Variants in EMB observed in about 807,000 individuals in gnomAD.
EMB encodes embigin, also known as embigin homolog.
Under a neutral mutation model 41.4 loss-of-function variants are expected in EMB, and 31 were observed. That is an observed-to-expected ratio of 0.75 (90% CI 0.56 to 1.01). EMB has a LOEUF of 1.01. Among genes scored for constraint, EMB ranks in the 50% least tolerant of loss-of-function variants. The pLI is 0.00. For synonymous variants in EMB, 137 were observed against 140.4 expected (o/e 0.98, Z 0.17); for missense variants, 379 against 388.3 (o/e 0.98, Z 0.20).
chr5:50,418,595 A>G (rs2111817906), intron 2 of EMB, among the ~76,000 whole-genome samples: 1 of 152,296 alleles, frequency 6.6e-6, no homozygotes, highest in Non-Finnish European at 1.5e-5. Context: ...TTTAACACTT[A>G]TTTACCGAAC....
chr5:50,430,258 C>T (rs1303524760), intron 1 of EMB, among the ~76,000 whole-genome samples: 2 of 152,124 alleles, frequency 1.3e-5, no homozygotes, highest in Non-Finnish European at 1.5e-5. Context: ...GCCTGCAAAA[C>T]GTAAGCTTTG....
chr5:50,409,359 T>C (rs1277792633), intron 4 of EMB, among the ~76,000 whole-genome samples: 1 of 152,080 alleles, frequency 6.6e-6, no homozygotes, highest in African/African-American at 2.4e-5. Context: ...ATGACTAGTA[T>C]ATATTTCCAG....
intron 2 of EMB, among the ~76,000 whole-genome samples, chr5:50,412,259 C>CAG (rs778110747): frequency 2.2e-5 from 1 of 45,858 alleles, no homozygotes; most frequent in African/African-American, 1.9e-4. Context: ...CACACACAGA[C>CAG]ACACACACAC....
Position 50,398,083 on chromosome 5 carries a change from A to T in EMB, c.*1190T>A, listed in dbSNP as rs1745100468. ...CAAGAATCTTGGGTTCCACACCACC[A>T]CTCTTTGCTTCTGTTCTTAAAGTTG... On this transcript the variant is annotated 3_prime_UTR_variant, in exon 9 of 9. Transcript: ENST00000303221. The T allele has an allele frequency of 6.7e-6, 1 of 149,728 alleles. No homozygotes were observed. The highest frequency in any genetic ancestry group is 1.5e-5 in the Non-Finnish European group (1 of 67,470). 9.3% of individuals were successfully genotyped at this position (149,728 alleles called of 1,614,324 possible).
At chr5:50,429,926 C>T (rs1332923723) in intron 1 of EMB, among the ~76,000 whole-genome samples, 1 of 151,306 alleles carries the variant, frequency 6.6e-6, no homozygotes, top group Admixed American at 6.6e-5. Flanking sequence ...CTTTTCACCC[C>T]TTTTCTCTCT....
chr5:50,430,118 C>T (rs1745692793), intron 1 of EMB, among the ~76,000 whole-genome samples: 1 of 152,042 alleles, frequency 6.6e-6, no homozygotes, highest in African/African-American at 2.4e-5. Flanking sequence ...GGCTAGCATA[C>T]TTAGAGGTTA....
At chr5:50,427,551 C>T (rs1745640172) in intron 2 of EMB, among the ~76,000 whole-genome samples, 1 of 151,648 alleles carries the variant, frequency 6.6e-6, no homozygotes, top group East Asian at 1.9e-4. Flanking sequence ...CTCTGTCCCC[C>T]AGGCTGGAGT....
rs1203276087 is a variant in EMB at position 50,424,417 on chromosome 5, A to T, written c.196+3727T>A. ...TTCTCTGATATGTGCTTTATTGAAGATGGGATCTTGACTCCATTCTTAGAG... is the reference window on the plus strand; with the variant it reads ...TTCTCTGATATGTGCTTTATTGAAGTTGGGATCTTGACTCCATTCTTAGAG... On this transcript the variant is annotated intron_variant, in intron 2 of 8. Transcript: ENST00000303221. Among the ~76,000 whole-genome samples the T allele has an allele frequency of 2.0e-5, 3 of 152,282 alleles. No homozygotes were observed. In the East Asian group the frequency reaches 5.8e-4, roughly 29 times the overall value.
In EMB at chr5:50,428,207, G is replaced by A; in HGVS notation, c.133C>T (p.Pro45Ser). The change falls in exon 2 of 9, where the codon CCT becomes TCT. Residue 45 changes from proline (P) to serine (S), a missense_variant. Coordinates refer to ENST00000303221, the MANE Select transcript of EMB (RefSeq NM_198449.3). ...TTTGCCATTATTTCTTCTCTGAGAG[G>A]TGGACTTGTAAAAGGCGAATCTATA... ...SAPDSPFTSP[P>S]LREEIMANNF... 1 of 1,611,628 alleles carries A rather than the reference G, an allele frequency of 6.2e-7. No homozygotes were observed. Among genetic ancestry groups the A allele is most frequent in the Non-Finnish European group, 8.5e-7 (1 of 1,177,964 alleles).
At chr5:50,428,446 C>T (rs1006066287) in intron 1 of EMB, 1 of 1,183,032 alleles carries the variant, frequency 8.5e-7, no homozygotes, top group African/African-American at 1.6e-5. Context: ...CCTAAAAATC[C>T]CTACTGACTT....
In EMB at chr5:50,441,104, C is replaced by A. The variant is rs749459087; in HGVS notation, c.48G>T (p.Arg16=). ...GLLEARARTP[R]LLLLQCLLAA... ...CGAGAAGGCACTGGAGGAGGAGCAG[C>A]CGGGGCGTACGCGCCCTGGCCTCCA... The change falls in exon 1 of 9, where the codon CGG becomes CGT. Residue 16 remains arginine (R), a synonymous_variant. Transcript: ENST00000303221. 32 of 1,518,042 alleles carry A rather than the reference C, an allele frequency of 2.1e-5. No homozygotes were observed. Among genetic ancestry groups the A allele is most frequent in the Non-Finnish European group, 2.8e-5 (32 of 1,136,778 alleles). 94.0% of individuals were successfully genotyped at this position (1,518,042 alleles called of 1,614,324 possible).
intron 4 of EMB, 58 bp downstream of exon 4, chr5:50,410,818 AG>A (rs1561133039): frequency 2.9e-6 from 3 of 1,036,952 alleles, no homozygotes; most frequent in Non-Finnish European, 2.8e-6. Flanking sequence ...TACAGGATTG[AG>A]AAATCTAAGA....
intron 7 of EMB, among the ~76,000 whole-genome samples, 186 bp downstream of exon 7, chr5:50,402,100 G>A (rs1021950395): frequency 2.0e-5 from 3 of 151,898 alleles, no homozygotes; most frequent in African/African-American, 7.2e-5. Context: ...AGTGCAGGTA[G>A]TAAGTGATGA....
intron 2 of EMB, 41 bp downstream of exon 2, chr5:50,428,103 C>CA: frequency 1.4e-6 from 2 of 1,459,374 alleles, no homozygotes; most frequent in Non-Finnish European, 1.9e-6. Flanking sequence ...TGCTTAAACC[C>CA]TTTTTTTCGA....
intron 1 of EMB, among the ~76,000 whole-genome samples, chr5:50,438,318 G>A (rs1448743673): frequency 1.3e-5 from 2 of 152,202 alleles, no homozygotes; most frequent in African/African-American, 4.8e-5. Flanking sequence ...AGCCGTGAAT[G>A]TGCCTCTGCC....
chr5:50,435,129 A>T lies in EMB; in HGVS notation c.112+5911T>A, dbSNP rs1745783488. Reference sequence around the variant, plus strand: ...TGAAGCTTTCTCAGGTAAACTAATTATTTTTGTTTCTTTTCAAACAATCTC... The same window carrying T: ...TGAAGCTTTCTCAGGTAAACTAATTTTTTTTGTTTCTTTTCAAACAATCTC... On this transcript the variant is annotated intron_variant, in intron 1 of 8. Coordinates refer to ENST00000303221, the MANE Select transcript of EMB (RefSeq NM_198449.3). Among the ~76,000 whole-genome samples, 3 of 152,172 alleles carry T rather than the reference A, an allele frequency of 2.0e-5. No individual in the cohort carries two copies. The South Asian group carries it at 6.2e-4, about 31-fold the overall frequency.
rs762212502 is a variant in EMB at position 50,410,936 on chromosome 5, C to A, written c.413G>T (p.Gly138Val). Reference protein sequence around the residue: ...RFTIINSKQMGSYSCFFREEK... With the variant: ...RFTIINSKQMVSYSCFFREEK... ...CTCTCGAAAGAAACAAGAATAACTT[C>A]CCATTTGTTTGCTATTAATGATGGT... is the stretch of plus-strand genomic sequence containing the variant. Residue 138 changes from glycine (G) to valine (V), a missense_variant, in exon 4 of 9, where the codon GGA (glycine) becomes GTA (valine). Gly to Val is a moderately radical substitution (Grantham distance 109, BLOSUM62 -3). Transcript: ENST00000303221. The A allele has an allele frequency of 1.2e-6, 2 of 1,605,356 alleles. No homozygotes were observed. The highest frequency in any genetic ancestry group is 2.7e-5 in the African/African-American group (2 of 74,376).
intron 3 of EMB, 46 bp from the exon 4 acceptor site, chr5:50,411,011 T>G: frequency 7.1e-7 from 1 of 1,407,118 alleles, no homozygotes; most frequent in Non-Finnish European, 9.7e-7. Flanking sequence ...TCTCAAAACC[T>G]TAATGAAAAT....
At chr5:50,438,765 T>C (rs1286272582) in intron 1 of EMB, among the ~76,000 whole-genome samples, 1 of 152,184 alleles carries the variant, frequency 6.6e-6, no homozygotes, top group African/African-American at 2.4e-5. Context: ...AACTTTTGTC[T>C]TGTACATTAT....
Sources: allele counts gnomAD v4.1 joint callset (sites outside exome capture counted in the v4.1 genomes callset), GRCh38; gene constraint gnomAD v4.1.1; transcripts MANE v1.5; gene names NCBI Gene and HGNC (gene_info 2026-07-23, HGNC 2026-07-21).